The following UBE2E2 variants were observed in gnomAD, a reference collection of about 807,000 sequenced individuals.
UBE2E2 encodes ubiquitin conjugating enzyme E2 E2.
Under a neutral mutation model 24.7 loss-of-function variants are expected in UBE2E2, and 6 were observed. The ratio of observed to expected loss-of-function variants is 0.24; its 90% CI spans 0.13 to 0.48. The LOEUF is 0.48. UBE2E2 is among the 20% of genes least tolerant of loss of function. UBE2E2 has a pLI of 0.99. For synonymous variants in UBE2E2, 104 were observed against 83.6 expected, an observed-to-expected ratio of 1.24 and a Z score of -1.33; for missense variants, 169 against 245.0, an observed-to-expected ratio of 0.69 and a Z score of 2.07.
chr3:23,440,366 C>G (rs1200908830), intron 3 of UBE2E2, among the ~76,000 whole-genome samples: 6 of 152,146 alleles, frequency 3.9e-5, no homozygotes, highest in Non-Finnish European at 8.8e-5. Flanking sequence ...TCTCGTCCTC[C>G]CAAAGTGCTG....
intron 3 of UBE2E2, among the ~76,000 whole-genome samples, chr3:23,325,768 C>A (rs1694873555): frequency 6.6e-6 from 1 of 152,202 alleles, no homozygotes; most frequent in Non-Finnish European, 1.5e-5. Context: ...GTATCACTGA[C>A]CTTCGGTCTA....
intron 3 of UBE2E2, among the ~76,000 whole-genome samples, chr3:23,258,721 G>A (rs1179473224): frequency 1.3e-5 from 2 of 151,744 alleles, no homozygotes; most frequent in African/African-American, 2.4e-5. Context: ...GTAAAACCTT[G>A]TCTCTACTAA....
rs138385553 is a variant in UBE2E2 at position 23,340,879 on chromosome 3, C to T, written c.227+123567C>T. Among the ~76,000 whole-genome samples, 343 of 152,290 alleles carry T rather than the reference C, an allele frequency of 2.3e-3. 3 individuals are homozygous for T. Among genetic ancestry groups the T allele is most frequent in the African/African-American group, 7.9e-3 (327 of 41,580 alleles). ...GCCTTCTATTCAAGCAATATACTTT[C>T]ATCCTTCTGTTGTGTTTCCTCAATT... is the stretch of plus-strand genomic sequence containing the variant. On this transcript the variant is annotated intron_variant, in intron 3 of 5. Coordinates refer to ENST00000396703, the MANE Select transcript of UBE2E2 (RefSeq NM_152653.4).
intron 3 of UBE2E2, among the ~76,000 whole-genome samples, chr3:23,481,795 C>A (rs1157494665): frequency 1.3e-5 from 2 of 152,198 alleles, no homozygotes; most frequent in Non-Finnish European, 1.5e-5. Flanking sequence ...ACCACTAAAT[C>A]CTTCAAAGAT....
chr3:23,443,608 G>A (rs998893687), intron 3 of UBE2E2, among the ~76,000 whole-genome samples: 7 of 152,154 alleles, frequency 4.6e-5, no homozygotes, highest in African/African-American at 7.2e-5. Context: ...CAGCGTCAAC[G>A]CAGATGCCAT....
intron 3 of UBE2E2, among the ~76,000 whole-genome samples, chr3:23,487,067 C>T (rs932709443): frequency 6.6e-6 from 1 of 152,206 alleles, no homozygotes; most frequent in East Asian, 1.9e-4. Context: ...CTGAGCTTCC[C>T]TCAATACCCC....
intron 3 of UBE2E2, among the ~76,000 whole-genome samples, chr3:23,248,969 C>T (rs1437880301): frequency 6.6e-6 from 1 of 152,172 alleles, no homozygotes; most frequent in African/African-American, 2.4e-5. Flanking sequence ...CCTTTTGCAA[C>T]TACCTTAGGA....
intron 3 of UBE2E2, among the ~76,000 whole-genome samples, chr3:23,402,439 A>G (rs1697249415): frequency 6.6e-6 from 1 of 152,178 alleles, no homozygotes; most frequent in Non-Finnish European, 1.5e-5. Flanking sequence ...TCCATTAAAA[A>G]CTAGTGGACA....
chr3:23,456,708 G>A (rs1245637259), intron 3 of UBE2E2, among the ~76,000 whole-genome samples: 3 of 152,130 alleles, frequency 2.0e-5, no homozygotes, highest in Non-Finnish European at 4.4e-5. Context: ...TGCTGTCATC[G>A]CAGCTTTATA....
intron 5 of UBE2E2, among the ~76,000 whole-genome samples, chr3:23,537,711 T>C (rs1036114728): frequency 9.9e-5 from 15 of 152,154 alleles, no homozygotes; most frequent in African/African-American, 3.6e-4. Flanking sequence ...ATGAAAACAA[T>C]TCTTATTCAT....
At chr3:23,480,060 C>T (rs1344421723) in intron 3 of UBE2E2, among the ~76,000 whole-genome samples, 14 of 152,178 alleles carry the variant, frequency 9.2e-5, no homozygotes, top group Non-Finnish European at 1.5e-4. Flanking sequence ...TGCCCCTTCC[C>T]GCCTAGGAAC....
At chr3:23,509,006 T>G (rs756095814) in intron 4 of UBE2E2, among the ~76,000 whole-genome samples, 7 of 152,170 alleles carry the variant, frequency 4.6e-5, no homozygotes, top group Non-Finnish European at 1.0e-4. Context: ...ACGTGAGTTT[T>G]CTGAAGAGAG....
At chr3:23,357,069 C>G (rs1268099662) in intron 3 of UBE2E2, among the ~76,000 whole-genome samples, 1 of 152,126 alleles carries the variant, frequency 6.6e-6, no homozygotes, top group Non-Finnish European at 1.5e-5. Context: ...CTCACACTGG[C>G]AATTAAATGC....
At chr3:23,549,796 G>A (rs1288398528) in intron 5 of UBE2E2, among the ~76,000 whole-genome samples, 2 of 152,120 alleles carry the variant, frequency 1.3e-5, no homozygotes, top group Admixed American at 1.3e-4. Context: ...ACTTTGGAAG[G>A]CTGAGGTGGG....
In UBE2E2 at chr3:23,280,989, TCTC is replaced by T. The variant is rs1209962600; in HGVS notation, c.227+63678_227+63680del. 1.3e-5 allele frequency among the ~76,000 whole-genome samples: 2 copies of T among 152,190 alleles called. No individual in the cohort carries two copies. The highest frequency in any genetic ancestry group is 2.9e-5 in the Non-Finnish European group (2 of 68,020). ...ACTGTTCCTAGTTTGCAGACAGTCT[TCTC>T]ATTGTATCCTCACTTGCTGGAGAAA... On this transcript the variant is annotated intron_variant, in intron 3 of 5. Coordinates refer to ENST00000396703, the MANE Select transcript of UBE2E2 (RefSeq NM_152653.4). The surrounding 1 kb of genome is among the most constrained non-coding windows in gnomAD (Gnocchi z 4.3).
Position 23,308,583 on chromosome 3 carries a change from G to A in UBE2E2, c.227+91271G>A, listed in dbSNP as rs534983685. ...GTTTAGTTTTTATCATTTAAAGACA[G>A]GTATTCTTATTAGACACTTGACATC... On this transcript the variant is annotated intron_variant, in intron 3 of 5. Transcript: ENST00000396703. Among the ~76,000 whole-genome samples the A allele has an allele frequency of 3.9e-5, 6 of 152,272 alleles. No individual in the cohort carries two copies. The East Asian group carries it at 7.7e-4, about 20-fold the overall frequency.
intron 3 of UBE2E2, among the ~76,000 whole-genome samples, chr3:23,478,897 T>TA (rs1491107621): frequency 0.18 from 1,607 of 8,816 alleles, 17 homozygotes; most frequent in African/African-American, 0.2. Context: ...TATATATATA[T>TA]TTTTTTTTTA....
rs142924137 is a variant in UBE2E2, at chr3:23,504,425, T to G, written c.360+4685T>G. Among the ~76,000 whole-genome samples the G allele has an allele frequency of 2.3e-3, 349 of 152,300 alleles. 3 individuals are homozygous for G. The highest frequency in any genetic ancestry group is 8.0e-3 in the African/African-American group (333 of 41,562). On this transcript the variant is annotated intron_variant, in intron 4 of 5. Transcript: ENST00000396703. The stretch of plus-strand genomic sequence containing the variant: ...ATATAATTACACATTTTTATACTTT[T>G]ATGATTTTCTCAGGTTAAATTTGTT...
At position 23,303,311 on chromosome 3, in the gene UBE2E2, TAGAAATAAA is replaced by T. The variant is rs1377595493; in HGVS notation, c.227+86000_227+86008del. ...ATTATATATTACAATGTAATAATAATAGAAATAAAGTGCACAACAACTATAATGAGCTTG... is the reference window on the plus strand; with the variant it reads ...ATTATATATTACAATGTAATAATAATGTGCACAACAACTATAATGAGCTTG... On this transcript the variant is annotated intron_variant, in intron 3 of 5. Coordinates refer to ENST00000396703, the MANE Select transcript of UBE2E2 (RefSeq NM_152653.4). Among the ~76,000 whole-genome samples, 4 of 152,210 alleles carry T rather than the reference TAGAAATAAA, an allele frequency of 2.6e-5. No individual in the cohort carries two copies. The East Asian group carries it at 7.7e-4, about 29-fold the overall frequency.
Sources: allele counts gnomAD v4.1 joint callset (sites outside exome capture counted in the v4.1 genomes callset), GRCh38; gene constraint gnomAD v4.1.1; non-coding constraint Gnocchi (gnomAD v3.1); transcripts MANE v1.5; gene names NCBI Gene and HGNC (gene_info 2026-07-23, HGNC 2026-07-21).